Variants in MAF observed in about 807,000 individuals in gnomAD.
MAF encodes transcription factor Maf.
MAF carries 10 observed loss-of-function variants against 22.0 expected under a neutral mutation model. That is an observed-to-expected ratio of 0.45 (90% CI 0.28 to 0.77). The LOEUF (loss-of-function observed/expected upper bound fraction) is 0.77, where lower values mean the gene tolerates loss of function less well. Ranked by LOEUF, MAF falls within the 30% of genes least tolerant of loss-of-function variation. The pLI is 0.12. For missense variants in MAF, 544 were observed against 548.4 expected (o/e 0.99, Z 0.08); for synonymous variants, 337 against 255.8 (o/e 1.32, Z -3.03).
chr16:79,350,871 G>GTC, the MAF span, among the ~76,000 whole-genome samples: 1 of 39,008 alleles, frequency 2.6e-5, no homozygotes, highest in Non-Finnish European at 5.3e-5. Context: ...TGAGAAGTGT[G>GTC]TGTGTGTGTG....
chr16:79,537,172 A>G, the MAF span, among the ~76,000 whole-genome samples: 3 of 152,196 alleles, frequency 2.0e-5, no homozygotes, highest in Non-Finnish European at 4.4e-5. Flanking sequence ...CATTTGGTGA[A>G]TCTATTCTCA....
At chr16:79,214,597 G>A in the MAF span, among the ~76,000 whole-genome samples, 1 of 151,558 alleles carries the variant, frequency 6.6e-6, no homozygotes, top group Non-Finnish European at 1.5e-5. Context: ...AGTAGAGACG[G>A]GGTTTCACTA....
chr16:79,246,596 A>G, the MAF span, among the ~76,000 whole-genome samples: 352 of 152,096 alleles, frequency 2.3e-3, 1 homozygote, highest in African/African-American at 7.5e-3. Context: ...TTAATGAGAA[A>G]AGAGAAAAAA....
the MAF span, among the ~76,000 whole-genome samples, chr16:79,292,705 G>A: frequency 6.6e-6 from 1 of 152,144 alleles, no homozygotes; most frequent in Non-Finnish European, 1.5e-5. Flanking sequence ...TACAAGGTTA[G>A]CACAAGATAC....
chr16:79,301,936 G>A, the MAF span, among the ~76,000 whole-genome samples: 1 of 152,226 alleles, frequency 6.6e-6, no homozygotes, highest in African/African-American at 2.4e-5. Context: ...AGCCTTTTGA[G>A]CACAACGTTG....
chr16:79,242,439 G>C, the MAF span, among the ~76,000 whole-genome samples: 1 of 150,010 alleles, frequency 6.7e-6, no homozygotes, highest in Non-Finnish European at 1.5e-5. Flanking sequence ...AAGCAACAAA[G>C]ATCAAAAGAG....
At chr16:79,403,448 G>C in the MAF span, among the ~76,000 whole-genome samples, 1 of 152,190 alleles carries the variant, frequency 6.6e-6, no homozygotes, top group Non-Finnish European at 1.5e-5. Flanking sequence ...GATTGCTCCA[G>C]TATCCAGGGC....
chr16:79,252,130 G>A, the MAF span, among the ~76,000 whole-genome samples: 8,148 of 152,322 alleles, frequency 0.053, 722 homozygotes, highest in African/African-American at 0.19. Context: ...TGTCAGGCAG[G>A]ACTGGCAAAC....
chr16:79,352,382 G>A, the MAF span, among the ~76,000 whole-genome samples: 8 of 152,104 alleles, frequency 5.3e-5, no homozygotes, highest in South Asian at 2.1e-4. Flanking sequence ...GAGTAAGGAG[G>A]TGTCATAGCA....
At chr16:79,268,667 A>G in the MAF span, among the ~76,000 whole-genome samples, 1 of 152,232 alleles carries the variant, frequency 6.6e-6, no homozygotes, top group Non-Finnish European at 1.5e-5. Flanking sequence ...GAATTAGCCA[A>G]ACTGTAGGCT....
chr16:79,359,363 G>A, the MAF span, among the ~76,000 whole-genome samples: 2 of 152,122 alleles, frequency 1.3e-5, no homozygotes, highest in Non-Finnish European at 2.9e-5. Context: ...AAATTCTAGG[G>A]CACAGCAAAA....
the MAF span, among the ~76,000 whole-genome samples, chr16:79,211,034 A>AGT: frequency 0.013 from 1,928 of 149,698 alleles, 18 homozygotes; most frequent in Admixed American, 0.03. Flanking sequence ...TATGGTGAGG[A>AGT]GTGTGTGTGT....
At chr16:79,204,706 A>C in the MAF span, 1 of 152,248 alleles carries the variant, frequency 6.6e-6, no homozygotes, top group African/African-American at 2.4e-5. Context: ...AGCCCAAGTT[A>C]ACATCCTCCC....
intron 1 of MAF, chr16:79,594,948 A>T: frequency 9.1e-7 from 1 of 1,102,618 alleles, no homozygotes; most frequent in Non-Finnish European, 1.1e-6. Context: ...ACACAACTAT[A>T]TTTTCCTTCC....
chr16:79,298,967 C>T, the MAF span, among the ~76,000 whole-genome samples: 1 of 152,256 alleles, frequency 6.6e-6, no homozygotes, highest in African/African-American at 2.4e-5. Context: ...GAGCGCCTGG[C>T]CCACCAATGC....
chr16:79,202,664 T>G, the MAF span: 1 of 152,168 alleles, frequency 6.6e-6, no homozygotes, highest in African/African-American at 2.4e-5. Flanking sequence ...TTAAAGAGTT[T>G]GAGAGAGTTT....
At chr16:79,206,887 A>G in the MAF span, 1 of 152,354 alleles carries the variant, frequency 6.6e-6, no homozygotes, top group African/African-American at 2.4e-5. Flanking sequence ...TGTGTCCCCT[A>G]AAAGATTGCT....
the MAF span, among the ~76,000 whole-genome samples, chr16:79,406,421 A>G: frequency 6.6e-6 from 1 of 152,182 alleles, no homozygotes; most frequent in Non-Finnish European, 1.5e-5. Context: ...GAAGTCTAAG[A>G]TCAAGGAGCT....
the MAF span, among the ~76,000 whole-genome samples, chr16:79,448,591 A>G: frequency 1.3e-5 from 2 of 151,784 alleles, no homozygotes; most frequent in Non-Finnish European, 2.9e-5. Context: ...ATGCCCAGTT[A>G]ATTTTTTGTA....
Sources: gnomAD v4.1 joint callset for allele counts (sites outside exome capture counted in the v4.1 genomes callset) on GRCh38, gnomAD v4.1.1 for gene constraint, MANE v1.5 for transcripts, NCBI Gene and HGNC (gene_info 2026-07-23, HGNC 2026-07-21) for gene names.